TSPAN12: variants seen among roughly 807,000 people sequenced by gnomAD.
The protein encoded by TSPAN12 is tetraspanin-12.
Under a neutral mutation model 39.2 loss-of-function variants are expected in TSPAN12, and 19 were observed. That is an observed-to-expected ratio of 0.49 (90% confidence interval 0.34 to 0.71). The LOEUF is 0.71. Ranked by LOEUF, TSPAN12 falls within the 30% of genes least tolerant of loss-of-function variation. The probability of loss-of-function intolerance (pLI) is 0.01; values close to 1 mark genes in which losing one functional copy is unlikely to be tolerated. For synonymous variants in TSPAN12, 119 were observed against 124.8 expected, an observed-to-expected ratio of 0.95 and a Z score of 0.31; for missense variants, 314 against 359.9, an observed-to-expected ratio of 0.87 and a Z score of 1.03.
intron 7 of TSPAN12, among the ~76,000 whole-genome samples, chr7:120,800,214 T>A (rs948467831): frequency 7.9e-5 from 12 of 152,052 alleles, no homozygotes; most frequent in African/African-American, 2.9e-4. Flanking sequence ...TCAAACATCA[T>A]ACAACACTCA....
chr7:120,802,563 G>A (rs995024944), intron 7 of TSPAN12, among the ~76,000 whole-genome samples: 1 of 152,010 alleles, frequency 6.6e-6, no homozygotes, highest in Non-Finnish European at 1.5e-5. Context: ...AATTACATAG[G>A]AGAAGAGATT....
At chr7:120,851,835 C>T (rs1361698693) in intron 2 of TSPAN12, among the ~76,000 whole-genome samples, 1 of 152,184 alleles carries the variant, frequency 6.6e-6, no homozygotes, top group Non-Finnish European at 1.5e-5. Context: ...ACCCACAATA[C>T]TCATGACAAA....
chr7:120,855,367 T>C (rs1794851459), intron 2 of TSPAN12, among the ~76,000 whole-genome samples: 3 of 152,188 alleles, frequency 2.0e-5, no homozygotes, highest in Non-Finnish European at 2.9e-5. Flanking sequence ...CTTTTAGAAG[T>C]GGAATGTGAT....
chr7:120,830,200 T>C (rs1198013665), intron 4 of TSPAN12, among the ~76,000 whole-genome samples: 1 of 152,132 alleles, frequency 6.6e-6, no homozygotes, highest in African/African-American at 2.4e-5. Flanking sequence ...GAAGAATTAA[T>C]ATTGTTAAAA....
chr7:120,844,726 G>A (rs1794640571), intron 2 of TSPAN12, among the ~76,000 whole-genome samples: 1 of 152,218 alleles, frequency 6.6e-6, no homozygotes, highest in African/African-American at 2.4e-5. Flanking sequence ...AGTCCCTGTG[G>A]TTGCTTTCTT....
At chr7:120,796,226 T>C (rs1303497782) in intron 7 of TSPAN12, among the ~76,000 whole-genome samples, 2 of 152,146 alleles carry the variant, frequency 1.3e-5, no homozygotes, top group African/African-American at 4.8e-5. Context: ...GCACCTTAAA[T>C]TTGCATCTAT....
chr7:120,800,227 G>A (rs1292797824), intron 7 of TSPAN12, among the ~76,000 whole-genome samples: 3 of 151,970 alleles, frequency 2.0e-5, no homozygotes, highest in Admixed American at 1.3e-4. Flanking sequence ...AACACTCAAC[G>A]GAGAGAATAA....
chr7:120,840,184 T>A, intron 2 of TSPAN12, 75 bp from the exon 3 acceptor site: 1 of 1,151,972 alleles, frequency 8.7e-7, no homozygotes, highest in Non-Finnish European at 1.3e-6. Flanking sequence ...ATAGGAAAAT[T>A]AAGGATTTTG....
At chr7:120,814,216 T>G (rs1328718984) in intron 5 of TSPAN12, 1 of 456,720 alleles carries the variant, frequency 2.2e-6, no homozygotes, top group South Asian at 1.5e-5. Flanking sequence ...ACTTCTATTT[T>G]ACTGTTCAAT....
chr7:120,846,758 T>C (rs1794677688), intron 2 of TSPAN12, among the ~76,000 whole-genome samples: 1 of 152,192 alleles, frequency 6.6e-6, no homozygotes, highest in Admixed American at 6.5e-5. Context: ...GGGATATAAA[T>C]ATGTAACAGA....
rs770789679 is a variant in TSPAN12, at chr7:120,838,909, T to C, written c.153A>G (p.Val51=). 14 of 1,613,960 alleles carry C rather than the reference T, an allele frequency of 8.7e-6. No individual in the cohort carries two copies. Among genetic ancestry groups the C allele is most frequent in the South Asian group, 1.1e-5 (1 of 91,074 alleles). ...NVLTLTAETR[V]EEAVILTYFP... ...AGTAAGTCAAAATGACTGCTTCCTC[T>C]ACCCTGAAAGAAGAAAAATAATGTA... The change falls in exon 4 of 8, where the codon GTA becomes GTG. Residue 51 remains valine, a synonymous_variant. Coordinates refer to ENST00000222747, the MANE Select transcript of TSPAN12 (RefSeq NM_012338.4).
intron 7 of TSPAN12, among the ~76,000 whole-genome samples, chr7:120,789,812 G>C (rs1793485713): frequency 6.6e-6 from 1 of 152,194 alleles, no homozygotes; most frequent in South Asian, 2.1e-4. Flanking sequence ...GTGAATGCCA[G>C]CAGCTGTGCC....
chr7:120,846,193 G>A (rs143879307), intron 2 of TSPAN12, among the ~76,000 whole-genome samples: 5 of 152,266 alleles, frequency 3.3e-5, no homozygotes, highest in African/African-American at 7.2e-5. Context: ...GGGGAAATCC[G>A]TCCCCATGAT....
intron 4 of TSPAN12, among the ~76,000 whole-genome samples, chr7:120,820,325 C>T (rs548681696): frequency 6.6e-6 from 1 of 152,162 alleles, no homozygotes; most frequent in South Asian, 2.1e-4. Context: ...AAAAAGAACC[C>T]CCTTTTACAG....
At chr7:120,851,574 T>C (rs997463351) in intron 2 of TSPAN12, among the ~76,000 whole-genome samples, 1 of 152,190 alleles carries the variant, frequency 6.6e-6, no homozygotes, top group Admixed American at 6.5e-5. Flanking sequence ...TTTGCAATAA[T>C]AGAAAATTAC....
chr7:120,794,884 T>C (rs527999250), intron 7 of TSPAN12, among the ~76,000 whole-genome samples: 1 of 152,212 alleles, frequency 6.6e-6, no homozygotes, highest in Non-Finnish European at 1.5e-5. Context: ...ATCACTCTTA[T>C]TGAAGTAATT....
chr7:120,843,651 G>C (rs1358125001), intron 2 of TSPAN12, among the ~76,000 whole-genome samples: 1 of 152,014 alleles, frequency 6.6e-6, no homozygotes, highest in African/African-American at 2.4e-5. Context: ...TCCCCTCTTG[G>C]CCCCCCATAA....
chr7:120,798,110 AG>A (rs1325187778), intron 7 of TSPAN12, among the ~76,000 whole-genome samples: 21 of 152,378 alleles, frequency 1.4e-4, no homozygotes, highest in Non-Finnish European at 2.6e-4. Flanking sequence ...GACAGAATAG[AG>A]AACAGGAAAC....
chr7:120,802,515 T>A (rs994571528), intron 7 of TSPAN12, among the ~76,000 whole-genome samples: 6 of 152,186 alleles, frequency 3.9e-5, no homozygotes, highest in African/African-American at 1.4e-4. Context: ...TGCTGTTTTT[T>A]TTTCTTGTTA....
Sources: allele counts gnomAD v4.1 joint callset (sites outside exome capture counted in the v4.1 genomes callset), GRCh38; gene constraint gnomAD v4.1.1; transcripts MANE v1.5; gene names NCBI Gene and HGNC (gene_info 2026-07-23, HGNC 2026-07-21).